The following DOCK7 variants were observed in gnomAD, a reference collection of about 807,000 sequenced individuals.
The protein encoded by DOCK7 is dedicator of cytokinesis 7, also known as dedicator of cytokinesis protein 7.
In DOCK7, 138 loss-of-function variants were observed where a neutral mutation model predicts 271.0. The ratio of observed to expected loss-of-function variants is 0.51; its 90% CI spans 0.44 to 0.59. The LOEUF is 0.59. Among genes scored for constraint, DOCK7 ranks in the 20% least tolerant of loss-of-function variants. DOCK7 has a pLI of 0.00. For missense variants in DOCK7, 2,066 were observed against 2,592.4 expected (o/e 0.80, Z 4.41); for synonymous variants, 823 against 876.1 (o/e 0.94, Z 1.07).
Position 62,455,324 on chromosome 1 carries a change from T to C in DOCK7, c.*90A>G, listed in dbSNP as rs776419206. ...CTTCAATGAATAATAATTTCCAGAA[T>C]TCCATTCCATGTTGTTTTCCAATAG... On this transcript the variant is annotated 3_prime_UTR_variant, in exon 50 of 50. Coordinates refer to ENST00000635253, the MANE Select transcript of DOCK7 (RefSeq NM_001367561.1). 1.4e-6 allele frequency: 2 copies of C among 1,379,328 alleles called. No individual in the cohort carries two copies. The highest frequency in any genetic ancestry group is 1.7e-5 in the Admixed American group (1 of 58,458). The allele number at this position is 1,379,328 out of a possible 1,614,324, so 85.4% of individuals were successfully genotyped here. A position where few individuals can be genotyped will look rare whatever the true frequency, so the allele number is the denominator to read the frequency against.
At chr1:62,669,148 A>G (rs1216385784) in intron 1 of DOCK7, among the ~76,000 whole-genome samples, 1 of 152,188 alleles carries the variant, frequency 6.6e-6, no homozygotes, top group Non-Finnish European at 1.5e-5. Context: ...ATCTGCATAC[A>G]TTCAAGGAAA....
intron 2 of DOCK7, among the ~76,000 whole-genome samples, chr1:62,661,208 C>G (rs888790705): frequency 6.6e-6 from 1 of 151,534 alleles, no homozygotes; most frequent in Non-Finnish European, 1.5e-5. Flanking sequence ...CCACTTACAT[C>G]AGGTACACAG....
intron 43 of DOCK7, chr1:62,485,312 T>C: frequency 1.0e-6 from 1 of 985,378 alleles, no homozygotes; most frequent in Non-Finnish European, 1.2e-6. Context: ...GTAAAGACTT[T>C]ACTGAAATAC....
At position 62,457,709 on chromosome 1, in the gene DOCK7, G is replaced by A. The variant is rs758846566; in HGVS notation, c.6213-4C>T. The A allele has an allele frequency of 6.2e-7, 1 of 1,610,256 alleles. No individual in the cohort carries two copies. Among genetic ancestry groups the A allele is most frequent in the African/African-American group, 1.3e-5 (1 of 74,438 alleles). On this transcript the variant is annotated splice_region_variant and splice_polypyrimidine_tract_variant and intron_variant, in intron 48 of 49. Coordinates refer to ENST00000635253, the MANE Select transcript of DOCK7 (RefSeq NM_001367561.1). ...TTTTCTTAAGGCATCTTCACACCTA[G>A]GAAAAACAGGATGTTATCAAGATAT...
intron 37 of DOCK7, among the ~76,000 whole-genome samples, chr1:62,500,135 A>G (rs1466133071): frequency 6.6e-6 from 1 of 152,218 alleles, no homozygotes; most frequent in East Asian, 1.9e-4. Context: ...AAGGAAGAGC[A>G]GCAAAACTCA....
At chr1:62,455,478 ATAG>A (rs755885877) in intron 49 of DOCK7, 22 bp from the exon 50 acceptor site, 2 of 1,611,846 alleles carry the variant, frequency 1.2e-6, no homozygotes, top group East Asian at 2.2e-5. Flanking sequence ...ATGAGAGGAC[ATAG>A]TTAGTTAAAG....
chr1:62,487,199 G>T, intron 43 of DOCK7, 199 bp downstream of exon 43: 1 of 433,152 alleles, frequency 2.3e-6, no homozygotes. Flanking sequence ...GGATTTCCAT[G>T]CACTGCCTAC....
intron 21 of DOCK7, 119 bp downstream of exon 21, chr1:62,555,706 G>A (rs1646118076): frequency 1.8e-6 from 2 of 1,098,114 alleles, no homozygotes; most frequent in East Asian, 2.6e-5. Flanking sequence ...CTTAGCAGGT[G>A]TTCAATAAAT....
chr1:62,470,056 A>G (rs1214431395), intron 48 of DOCK7, among the ~76,000 whole-genome samples: 1 of 152,226 alleles, frequency 6.6e-6, no homozygotes, highest in Non-Finnish European at 1.5e-5. Flanking sequence ...CTAAAAGTAG[A>G]ACTACCATTT....
At chr1:62,502,395 C>T (rs765202754) in intron 37 of DOCK7, among the ~76,000 whole-genome samples, 9 of 152,100 alleles carry the variant, frequency 5.9e-5, no homozygotes, top group African/African-American at 1.7e-4. Flanking sequence ...AGCCCAATTT[C>T]GCATACATTT....
At chr1:62,617,439 CAGG>C (rs1477963112) in intron 14 of DOCK7, among the ~76,000 whole-genome samples, 1 of 151,876 alleles carries the variant, frequency 6.6e-6, no homozygotes, top group African/African-American at 2.4e-5. Flanking sequence ...GTGACTGAGA[CAGG>C]AGTAGAAATA....
At chr1:62,598,246 A>C (rs1284124838) in intron 14 of DOCK7, among the ~76,000 whole-genome samples, 3 of 152,010 alleles carry the variant, frequency 2.0e-5, no homozygotes, top group African/African-American at 7.2e-5. Flanking sequence ...TTGTTTCCCT[A>C]ATGTTATATA....
chr1:62,587,614 G>A (rs912423233), intron 14 of DOCK7, among the ~76,000 whole-genome samples: 2 of 152,036 alleles, frequency 1.3e-5, no homozygotes, highest in African/African-American at 4.8e-5. Flanking sequence ...GAAACACAAC[G>A]TTTATCAGTA....
Position 62,476,130 on chromosome 1 carries a change from C to A in DOCK7, c.5661G>T (p.Glu1887Asp). Residue 1887 changes from glutamate (E) to aspartate (D), a missense_variant, in exon 45 of 50, where the codon GAG (glutamate) becomes GAT (aspartate). Transcript: ENST00000635253. ...AGTCTTTGATTACTTCAACCACATC[C>A]TCTCCAAATCTTTCTCCGTAAAATC... ...LEGFYGERFGEDVVEVIKDSN... is the reference protein window; with the variant it reads ...LEGFYGERFGDDVVEVIKDSN... The A allele has an allele frequency of 1.9e-6, 3 of 1,612,940 alleles. No individual in the cohort carries two copies. Among genetic ancestry groups the A allele is most frequent in the Non-Finnish European group, 2.5e-6 (3 of 1,179,546 alleles).
At chr1:62,488,808 C>A in intron 42 of DOCK7, 126 bp downstream of exon 42, 1 of 1,215,102 alleles carries the variant, frequency 8.2e-7, no homozygotes, top group Non-Finnish European at 1.2e-6. Context: ...TCATTTTGAC[C>A]GCTCATTTGT....
At position 62,555,976 on chromosome 1, in the gene DOCK7, T is replaced by C. The variant is rs763103821; in HGVS notation, c.2445A>G (p.Gln815=). ...VIAGQIVNLG[Q]ASFEAMASII... ...TTGATGCCATGGCTTCAAAAGATGC[T>C]TGACCTAGGTTAACTTTTAAGAAAG... is the stretch of plus-strand genomic sequence containing the variant. The change falls in exon 21 of 50, where the codon CAA becomes CAG. Residue 815 remains glutamine, a synonymous_variant. Coordinates refer to ENST00000635253, the MANE Select transcript of DOCK7 (RefSeq NM_001367561.1). 4 of 1,613,338 alleles carry C rather than the reference T, an allele frequency of 2.5e-6. No homozygotes were observed. In the South Asian group the frequency reaches 3.3e-5, roughly 13 times the overall value.
intron 12 of DOCK7, among the ~76,000 whole-genome samples, chr1:62,621,848 A>T (rs914056900): frequency 2.6e-5 from 4 of 152,190 alleles, no homozygotes; most frequent in African/African-American, 9.7e-5. Flanking sequence ...CATGAAATTA[A>T]TTTTTAAATG....
chr1:62,620,838 C>T (rs1305589586), intron 12 of DOCK7, among the ~76,000 whole-genome samples: 4 of 140,772 alleles, frequency 2.8e-5, no homozygotes, highest in East Asian at 2.1e-4. Context: ...GAGCTGAGTT[C>T]GCACCACTGC....
intron 41 of DOCK7, among the ~76,000 whole-genome samples, chr1:62,490,560 A>G (rs1646434959): frequency 6.6e-6 from 1 of 152,212 alleles, no homozygotes; most frequent in Non-Finnish European, 1.5e-5. Context: ...GAGTATATTT[A>G]AACAATCATG....
Sources: allele counts gnomAD v4.1 joint callset (sites outside exome capture counted in the v4.1 genomes callset), GRCh38; gene constraint gnomAD v4.1.1; transcripts MANE v1.5; gene names NCBI Gene and HGNC (gene_info 2026-07-23, HGNC 2026-07-21).